CSMD3: variants seen among roughly 807,000 people sequenced by gnomAD.
CSMD3 encodes the protein CUB and sushi domain-containing protein 3.
Under a neutral mutation model 435.2 loss-of-function variants are expected in CSMD3, and 177 were observed. The observed-to-expected ratio is 0.41, with a 90% CI of 0.36 to 0.46. The LOEUF (loss-of-function observed/expected upper bound fraction) is 0.46. CSMD3 is among the 20% of genes least tolerant of loss of function. The probability of loss-of-function intolerance (pLI) is 0.34; values close to 1 mark genes in which losing one functional copy is unlikely to be tolerated. For missense variants in CSMD3, 4,265 were observed against 4,504.6 expected (o/e 0.95, Z 1.52); for synonymous variants, 1,656 against 1,520.5 (o/e 1.09, Z -2.07).
rs567271454 is a variant in CSMD3, at chr8:112,378,816, A to T, written c.6136+1536T>A. On this transcript the variant is annotated intron_variant, in intron 38 of 70. Transcript: ENST00000297405. ...AAGAAAGATTTGAAATGTTCCCAAC[A>T]TAAATAAATGATAAATAATTGAGGT... Among the ~76,000 whole-genome samples the T allele has an allele frequency of 5.9e-5, 9 of 152,320 alleles. No individual in the cohort carries two copies. In the East Asian group the frequency reaches 1.7e-3, roughly 29 times the overall value.
intron 7 of CSMD3, among the ~76,000 whole-genome samples, chr8:112,967,442 T>G (rs1289581104): frequency 6.6e-6 from 1 of 151,874 alleles, no homozygotes; most frequent in Non-Finnish European, 1.5e-5. Flanking sequence ...AGTACAAGAA[T>G]TAGTAGGTTT....
chr8:112,410,287 G>A (rs1457685763), intron 32 of CSMD3, among the ~76,000 whole-genome samples: 2 of 134 alleles, frequency 0.015, no homozygotes, highest in African/African-American at 0.028. Context: ...GAACGTTTCT[G>A]AACATTGGCT....
At chr8:113,268,256 C>T (rs184855331) in intron 3 of CSMD3, among the ~76,000 whole-genome samples, 3 of 151,956 alleles carry the variant, frequency 2.0e-5, no homozygotes, top group Admixed American at 1.3e-4. Flanking sequence ...GAACACATAT[C>T]TCATCAATTG....
chr8:112,584,341 AT>A (rs1342826116), intron 23 of CSMD3, among the ~76,000 whole-genome samples: 1 of 151,806 alleles, frequency 6.6e-6, no homozygotes, highest in Non-Finnish European at 1.5e-5. Context: ...CTTAAAAAAA[AT>A]CTAGAGGAGT....
chr8:112,904,703 T>C (rs150434932), intron 10 of CSMD3, among the ~76,000 whole-genome samples: 4 of 151,530 alleles, frequency 2.6e-5, no homozygotes, highest in African/African-American at 9.6e-5. Context: ...ACCTCAGTTC[T>C]GACCTTAAGG....
chr8:112,250,775 A>G (rs1815188277), intron 63 of CSMD3, among the ~76,000 whole-genome samples: 1 of 151,878 alleles, frequency 6.6e-6, no homozygotes, highest in South Asian at 2.1e-4. Context: ...ACAAGAATTA[A>G]AAACAATCCA....
chr8:113,234,462 G>C (rs999311154), intron 3 of CSMD3, among the ~76,000 whole-genome samples: 2 of 152,032 alleles, frequency 1.3e-5, no homozygotes, highest in Non-Finnish European at 2.9e-5. Flanking sequence ...AGGAAGCTAA[G>C]TGCCAGTCTC....
intron 23 of CSMD3, among the ~76,000 whole-genome samples, chr8:112,581,946 G>A (rs1830364416): frequency 6.6e-6 from 1 of 152,064 alleles, no homozygotes. Context: ...GTTATCCTGA[G>A]GAAGAATATG....
At chr8:113,237,053 T>G (rs1351504256) in intron 3 of CSMD3, among the ~76,000 whole-genome samples, 3 of 152,264 alleles carry the variant, frequency 2.0e-5, no homozygotes, top group Admixed American at 2.0e-4. Flanking sequence ...AGAAACATCA[T>G]GCTTGACAAT....
chr8:112,666,228 A>T (rs943267211), intron 17 of CSMD3, 49 bp downstream of exon 17: 15 of 1,368,422 alleles, frequency 1.1e-5, no homozygotes, highest in Non-Finnish European at 1.6e-5. Flanking sequence ...ATGTCAACTA[A>T]TCTTTTAGAT....
intron 3 of CSMD3, among the ~76,000 whole-genome samples, chr8:113,175,500 T>C (rs1177205245): frequency 6.6e-6 from 1 of 151,966 alleles, no homozygotes; most frequent in Non-Finnish European, 1.5e-5. Flanking sequence ...GAAAGTTATT[T>C]CTAATTTTTT....
intron 12 of CSMD3, among the ~76,000 whole-genome samples, chr8:112,812,805 T>C (rs913217248): frequency 6.6e-6 from 1 of 152,180 alleles, no homozygotes; most frequent in Non-Finnish European, 1.5e-5. Context: ...ATTCTAGTCT[T>C]CCTAGTCAGT....
chr8:113,363,291 T>C (rs56165375), intron 1 of CSMD3, among the ~76,000 whole-genome samples: 97,074 of 152,094 alleles, frequency 0.64, 32,529 homozygotes, highest in Admixed American at 0.75. Context: ...TACACGCGTG[T>C]TTGTATATTT....
At chr8:112,447,911 C>A (rs1815800788) in intron 32 of CSMD3, among the ~76,000 whole-genome samples, 1 of 152,082 alleles carries the variant, frequency 6.6e-6, no homozygotes, top group Non-Finnish European at 1.5e-5. Context: ...TGTGTCCCCC[C>A]AAAGTGTAAG....
At chr8:112,399,668 T>C (rs1262571332) in intron 35 of CSMD3, among the ~76,000 whole-genome samples, 1 of 152,154 alleles carries the variant, frequency 6.6e-6, no homozygotes, top group Admixed American at 6.5e-5. Context: ...TTCAATTTCA[T>C]TGTTTAAAGT....
chr8:112,747,697 CG>C (rs2077465334), intron 13 of CSMD3, among the ~76,000 whole-genome samples: 1 of 152,072 alleles, frequency 6.6e-6, no homozygotes, highest in South Asian at 2.1e-4. Flanking sequence ...AACAGGCGGC[CG>C]GGCGCGGTGG....
chr8:113,255,920 A>C (rs1008007394), intron 3 of CSMD3, among the ~76,000 whole-genome samples: 1 of 151,984 alleles, frequency 6.6e-6, no homozygotes, highest in African/African-American at 2.4e-5. Flanking sequence ...ATAACAAATT[A>C]AAGGAGAAAT....
At chr8:113,146,007 C>G (rs897670684) in intron 4 of CSMD3, among the ~76,000 whole-genome samples, 2 of 151,304 alleles carry the variant, frequency 1.3e-5, no homozygotes, top group African/African-American at 4.8e-5. Context: ...AACACCATGA[C>G]CAAATATTTT....
chr8:112,718,022 A>T (rs895013707), intron 13 of CSMD3, among the ~76,000 whole-genome samples: 107 of 152,268 alleles, frequency 7.0e-4, no homozygotes, highest in African/African-American at 2.6e-3. Flanking sequence ...TGGGTCACGT[A>T]TACTTAAGTA....
Sources: gnomAD v4.1 joint callset for allele counts (sites outside exome capture counted in the v4.1 genomes callset) on GRCh38, gnomAD v4.1.1 for gene constraint, MANE v1.5 for transcripts, NCBI Gene and HGNC (gene_info 2026-07-23, HGNC 2026-07-21) for gene names.